EIF3CL: variants seen among roughly 807,000 people sequenced by gnomAD.
EIF3CL encodes eukaryotic translation initiation factor 3 subunit C-like protein.
For synonymous variants in EIF3CL, 2 were observed against 19.6 expected (o/e 0.10, Z 2.37); for missense variants, 5 against 56.1 (o/e 0.09, Z 2.91).
At chr16:28,386,334 TTTA>T (rs1218096655) in intron 15 of EIF3CL, among the ~76,000 whole-genome samples, 1 of 31,046 alleles carries the variant, frequency 3.2e-5, no homozygotes, top group South Asian at 6.1e-4. Flanking sequence ...TGACTAGATA[TTTA>T]TTATTTCATG....
chr16:28,406,118 T>TG (rs1207237871), upstream of EIF3CL, among the ~76,000 whole-genome samples: 1 of 89,406 alleles, frequency 1.1e-5, no homozygotes, highest in African/African-American at 5.2e-5. Flanking sequence ...CTGCGGGACT[T>TG]GAGTATGTAC....
At chr16:28,387,637 C>T (rs1281093989) in intron 15 of EIF3CL, among the ~76,000 whole-genome samples, 4 of 150,326 alleles carry the variant, frequency 2.7e-5, no homozygotes, top group Non-Finnish European at 5.9e-5. Context: ...AATAGAAACA[C>T]AAACAGGAGG....
upstream of EIF3CL, among the ~76,000 whole-genome samples, chr16:28,408,272 C>T (rs1041951927): frequency 8.8e-3 from 569 of 64,506 alleles, 20 homozygotes; most frequent in Middle Eastern, 0.028. Context: ...CTAATAATTT[C>T]TTCCTTTATG....
chr16:28,396,667 CAAAAAA>C (rs1209977692), intron 8 of EIF3CL, among the ~76,000 whole-genome samples: 1 of 48,294 alleles, frequency 2.1e-5, no homozygotes, highest in African/African-American at 5.4e-5. Context: ...GACTCTGTCT[CAAAAAA>C]AAAAAAAAAA....
the EIF3CL span, among the ~76,000 whole-genome samples, chr16:28,419,060 G>A: frequency 3.5e-5 from 5 of 142,512 alleles, no homozygotes; most frequent in African/African-American, 1.3e-4. Context: ...AGGCTGGAGT[G>A]CAGTAGGATG....
the EIF3CL span, among the ~76,000 whole-genome samples, chr16:28,417,204 C>T: frequency 1.3e-5 from 2 of 148,570 alleles, no homozygotes; most frequent in African/African-American, 5.1e-5. Flanking sequence ...GGGGGTCAGC[C>T]CCCCTGCCCG....
At chr16:28,406,303 A>ATG (rs1224030352), upstream of EIF3CL, among the ~76,000 whole-genome samples, 31 of 2,174 alleles carry the variant, frequency 0.014, 1 homozygote, top group African/African-American at 0.14. Context: ...AGATCAGGGT[A>ATG]TGTGTGTGTG....
the EIF3CL span, among the ~76,000 whole-genome samples, chr16:28,410,892 C>T: frequency 2.5e-5 from 3 of 117,704 alleles, no homozygotes; most frequent in African/African-American, 6.1e-5. Flanking sequence ...TGAGCCACCA[C>T]GCCTGGCCAG....
the EIF3CL span, among the ~76,000 whole-genome samples, chr16:28,416,597 A>C: frequency 8.5e-5 from 2 of 23,490 alleles, no homozygotes; most frequent in African/African-American, 1.8e-4. Flanking sequence ...AAGTGAGGAG[A>C]CCCTCTGCCT....
intron 15 of EIF3CL, among the ~76,000 whole-genome samples, chr16:28,385,399 C>T (rs1335659585): frequency 1.6e-5 from 2 of 122,782 alleles, no homozygotes; most frequent in East Asian, 2.5e-4. Context: ...GTGGCGTGAT[C>T]GTGGCTCCTG....
At chr16:28,417,292 G>A in the EIF3CL span, among the ~76,000 whole-genome samples, 3 of 148,794 alleles carry the variant, frequency 2.0e-5, no homozygotes, top group South Asian at 4.2e-4. Flanking sequence ...CCCTCTGACC[G>A]GCCACCACCC....
the EIF3CL span, among the ~76,000 whole-genome samples, chr16:28,418,020 G>A: frequency 6.9e-6 from 1 of 145,578 alleles, no homozygotes; most frequent in African/African-American, 2.5e-5. Context: ...TCTAGACTGG[G>A]CAACAGGAGT....
the EIF3CL span, among the ~76,000 whole-genome samples, chr16:28,418,995 T>A: frequency 6.8e-6 from 1 of 147,068 alleles, no homozygotes; most frequent in African/African-American, 2.5e-5. Context: ...ATGCTTCTGG[T>A]TAACTGTCTT....
At chr16:28,422,668 A>G in the EIF3CL span, among the ~76,000 whole-genome samples, 1 of 146,812 alleles carries the variant, frequency 6.8e-6, no homozygotes, top group Non-Finnish European at 1.5e-5. Context: ...CCCCGTCTTT[A>G]CTAAAAATAC....
At chr16:28,419,311 G>T in the EIF3CL span, among the ~76,000 whole-genome samples, 1 of 150,634 alleles carries the variant, frequency 6.6e-6, no homozygotes, top group Non-Finnish European at 1.5e-5. Flanking sequence ...CAGCCCTCTG[G>T]TTAACTGTCT....
intron 15 of EIF3CL, among the ~76,000 whole-genome samples, chr16:28,386,755 AACACAC>A (rs532715052): frequency 7.4e-5 from 6 of 80,848 alleles, no homozygotes; most frequent in South Asian, 3.5e-4. Flanking sequence ...TCTGTCTCAA[AACACAC>A]ACACACACAC....
the EIF3CL span, among the ~76,000 whole-genome samples, chr16:28,417,920 G>A: frequency 7.7e-6 from 1 of 130,172 alleles, no homozygotes; most frequent in Non-Finnish European, 1.6e-5. Context: ...GCGCATGCCT[G>A]TAATCCTAGC....
At chr16:28,392,849 C>A (rs111589636) in intron 8 of EIF3CL, among the ~76,000 whole-genome samples, 4,616 of 149,914 alleles carry the variant, frequency 0.031, 81 homozygotes, top group African/African-American at 0.11. Flanking sequence ...AATCTAAATT[C>A]TGAATTTTAA....
the EIF3CL span, among the ~76,000 whole-genome samples, chr16:28,418,846 T>C: frequency 0.081 from 9,563 of 117,858 alleles, 101 homozygotes; most frequent in Non-Finnish European, 0.13. Context: ...CCCAGGTTGG[T>C]CTCGAACTCC....
Sources: gnomAD v4.1 joint callset for allele counts (sites outside exome capture counted in the v4.1 genomes callset) on GRCh38, gnomAD v4.1.1 for gene constraint, MANE v1.5 for transcripts, NCBI Gene and HGNC (gene_info 2026-07-23, HGNC 2026-07-21) for gene names.